The following IL1RAPL1 variants were observed in gnomAD, a reference collection of about 807,000 sequenced individuals.
IL1RAPL1 encodes interleukin 1 receptor accessory protein like 1, also known as interleukin-1 receptor accessory protein-like 1.
In IL1RAPL1, 3 loss-of-function variants were observed where a neutral mutation model predicts 48.4. The ratio of observed to expected loss-of-function variants is 0.06; its 90% CI spans 0.03 to 0.16. The LOEUF (loss-of-function observed/expected upper bound fraction) is 0.16, where lower values mean the gene tolerates loss of function less well. IL1RAPL1 is among the 10% of genes least tolerant of loss of function. IL1RAPL1 has a pLI of 1.00. For synonymous variants in IL1RAPL1, 185 were observed against 187.7 expected (o/e 0.99, Z 0.12); for missense variants, 349 against 530.6 (o/e 0.66, Z 3.36).
At chrX:28,779,187 G>A (rs1936390468) in intron 1 of IL1RAPL1, among the ~76,000 whole-genome samples, 1 of 110,958 alleles carries the variant, frequency 9.0e-6, no homozygotes, top group African/African-American at 3.3e-5. Context: ...AAACTATATT[G>A]GTTACATTAG....
chrX:29,659,474 G>A (rs1602350539), intron 5 of IL1RAPL1, among the ~76,000 whole-genome samples: 1 of 111,862 alleles, frequency 8.9e-6, no homozygotes, highest in East Asian at 2.8e-4. Context: ...TTTCCACAAT[G>A]GCAGTACTAC....
chrX:28,849,929 T>C (rs1397548944), intron 2 of IL1RAPL1, among the ~76,000 whole-genome samples: 1 of 112,083 alleles, frequency 8.9e-6, no homozygotes, highest in Non-Finnish European at 1.9e-5. Flanking sequence ...TACTCCCTTA[T>C]TGGACTAAGG....
intron 5 of IL1RAPL1, among the ~76,000 whole-genome samples, chrX:29,666,547 G>C (rs1231593477): frequency 9.3e-6 from 1 of 107,671 alleles, no homozygotes; most frequent in Non-Finnish European, 1.9e-5. Flanking sequence ...CTAACATCTA[G>C]TTTGCCACAT....
intron 2 of IL1RAPL1, among the ~76,000 whole-genome samples, chrX:28,984,819 T>C (rs960619368): frequency 2.7e-5 from 3 of 111,938 alleles, no homozygotes; most frequent in African/African-American, 9.8e-5. Context: ...TATATTAGAA[T>C]CATTTCTAGA....
chrX:28,629,076 C>T (rs983175918), intron 1 of IL1RAPL1, among the ~76,000 whole-genome samples: 1 of 111,188 alleles, frequency 9.0e-6, no homozygotes, highest in Non-Finnish European at 1.9e-5. Context: ...TTACATGAGA[C>T]TACTAAATAG....
intron 1 of IL1RAPL1, among the ~76,000 whole-genome samples, chrX:28,600,580 A>C (rs1322630694): frequency 9.0e-6 from 1 of 110,683 alleles, no homozygotes; most frequent in Non-Finnish European, 1.9e-5. Flanking sequence ...CAAGGATAAT[A>C]AGACAATTGT....
intron 1 of IL1RAPL1, among the ~76,000 whole-genome samples, chrX:28,783,129 C>T (rs934695252): frequency 1.8e-5 from 2 of 111,283 alleles, no homozygotes; most frequent in Non-Finnish European, 3.8e-5. Context: ...GTAGGTGTGC[C>T]AATTATCCCA....
At chrX:29,836,814 C>T (rs752544721) in intron 6 of IL1RAPL1, among the ~76,000 whole-genome samples, 33 of 110,846 alleles carry the variant, frequency 3.0e-4, no homozygotes, top group Non-Finnish European at 4.9e-4. Context: ...TATTACTCCC[C>T]GTCACCAGTG....
chrX:28,612,505 T>C (rs1169151649), intron 1 of IL1RAPL1, among the ~76,000 whole-genome samples: 1 of 111,784 alleles, frequency 8.9e-6, no homozygotes, highest in Admixed American at 9.4e-5. Context: ...GTCCCATGGC[T>C]AAGGCATGGC....
chrX:29,808,115 G>T (rs1930298148), intron 6 of IL1RAPL1, among the ~76,000 whole-genome samples: 1 of 111,481 alleles, frequency 9.0e-6, no homozygotes. Context: ...CTCAAATTCT[G>T]GGAGTACATC....
intron 6 of IL1RAPL1, among the ~76,000 whole-genome samples, chrX:29,801,833 G>C (rs1929913744): frequency 9.0e-6 from 1 of 111,555 alleles, no homozygotes; most frequent in African/African-American, 3.3e-5. Flanking sequence ...GGACTCTCTA[G>C]TTGTGGTTTT....
intron 6 of IL1RAPL1, among the ~76,000 whole-genome samples, chrX:29,828,928 C>G (rs899892385): frequency 2.7e-5 from 3 of 109,335 alleles, no homozygotes; most frequent in Non-Finnish European, 5.7e-5. Flanking sequence ...AAAGAGGGTA[C>G]GAGAAGGTCA....
intron 2 of IL1RAPL1, among the ~76,000 whole-genome samples, chrX:29,266,515 G>C (rs758662514): frequency 1.8e-5 from 2 of 111,452 alleles, no homozygotes; most frequent in East Asian, 5.7e-4. Flanking sequence ...ACTGCATTTA[G>C]GGTTAACAGA....
chrX:29,423,018 C>T (rs1283479677), intron 5 of IL1RAPL1, among the ~76,000 whole-genome samples: 1 of 111,821 alleles, frequency 8.9e-6, no homozygotes, highest in East Asian at 2.8e-4. Context: ...ACTGACAGAA[C>T]TAGACTCTTT....
At chrX:29,552,802 C>CTTTTTTTTTTTTTTTT (rs765234944) in intron 5 of IL1RAPL1, among the ~76,000 whole-genome samples, 35 of 23,010 alleles carry the variant, frequency 1.5e-3, no homozygotes, top group African/African-American at 1.8e-3. Flanking sequence ...TTTCACTCTC[C>CTTTTTTTTTTTTTTTT]TTTTTTTTTT....
intron 1 of IL1RAPL1, among the ~76,000 whole-genome samples, chrX:28,760,315 C>T (rs955708927): frequency 8.9e-6 from 1 of 111,961 alleles, no homozygotes; most frequent in Non-Finnish European, 1.9e-5. Context: ...AGCCCTAACT[C>T]TCCTTGATTT....
intron 6 of IL1RAPL1, among the ~76,000 whole-genome samples, chrX:29,812,007 C>T (rs1461197591): frequency 9.0e-6 from 1 of 111,511 alleles, no homozygotes; most frequent in East Asian, 2.8e-4. Context: ...TTATAAATGA[C>T]AATATTGATA....
chrX:28,744,535 C>T (rs924781500), intron 1 of IL1RAPL1, among the ~76,000 whole-genome samples: 1 of 110,991 alleles, frequency 9.0e-6, no homozygotes, highest in East Asian at 2.8e-4. Flanking sequence ...GAAAAGGATC[C>T]TTGTGACTCT....
chrX:29,026,020 C>A (rs1204342915), intron 2 of IL1RAPL1, among the ~76,000 whole-genome samples: 2 of 111,534 alleles, frequency 1.8e-5, no homozygotes, highest in East Asian at 2.8e-4. Context: ...TAAGTCCAAC[C>A]ATACTAGGAA....
Sources: gnomAD v4.1 joint callset for allele counts (sites outside exome capture counted in the v4.1 genomes callset) on GRCh38, gnomAD v4.1.1 for gene constraint, MANE v1.5 for transcripts, NCBI Gene and HGNC (gene_info 2026-07-23, HGNC 2026-07-21) for gene names.